The following KIAA0825 variants were observed in gnomAD, a reference collection of about 807,000 sequenced individuals.
KIAA0825 encodes the protein uncharacterized protein KIAA0825.
In KIAA0825, 119 loss-of-function variants were observed where a neutral mutation model predicts 147.6. The ratio of observed to expected loss-of-function variants is 0.81; its 90% confidence interval spans 0.69 to 0.94. The LOEUF (loss-of-function observed/expected upper bound fraction) is 0.94, where lower values mean the gene tolerates loss of function less well. Among genes scored for constraint, KIAA0825 ranks in the 40% least tolerant of loss-of-function variants. The pLI, the probability that KIAA0825 is intolerant of heterozygous loss-of-function variation, is 0.00. For missense variants in KIAA0825, 1,381 were observed against 1,472.7 expected (o/e 0.94, Z 1.02); for synonymous variants, 470 against 518.1 (o/e 0.91, Z 1.26).
intron 13 of KIAA0825, among the ~76,000 whole-genome samples, chr5:94,441,370 T>G (rs1757059560): frequency 6.6e-6 from 1 of 152,174 alleles, no homozygotes; most frequent in Non-Finnish European, 1.5e-5. Flanking sequence ...AGGCAGTGCT[T>G]TCTGAAGCAC....
At chr5:94,418,607 G>A (rs1462744919) in intron 14 of KIAA0825, among the ~76,000 whole-genome samples, 1 of 151,860 alleles carries the variant, frequency 6.6e-6, no homozygotes, top group Non-Finnish European at 1.5e-5. Flanking sequence ...GGAATGGGCA[G>A]GTATCCAATG....
At chr5:94,426,081 G>A (rs964087687) in intron 14 of KIAA0825, among the ~76,000 whole-genome samples, 3 of 150,384 alleles carry the variant, frequency 2.0e-5, no homozygotes, top group African/African-American at 7.3e-5. Context: ...ATGTTGCCCA[G>A]GATAGTCTTG....
chr5:94,565,724 G>C (rs117080910), intron 2 of KIAA0825, among the ~76,000 whole-genome samples: 2,657 of 152,198 alleles, frequency 0.017, 160 homozygotes, highest in Admixed American at 0.1. Flanking sequence ...GGGAAATAGT[G>C]TGTTCATTTC....
chr5:94,382,337 G>A (rs1748527521), intron 20 of KIAA0825, among the ~76,000 whole-genome samples: 1 of 152,128 alleles, frequency 6.6e-6, no homozygotes, highest in East Asian at 1.9e-4. Context: ...AAAAAAATCG[G>A]CATTTTCAGA....
At chr5:94,326,597 T>C (rs1244878056) in intron 20 of KIAA0825, among the ~76,000 whole-genome samples, 1 of 152,178 alleles carries the variant, frequency 6.6e-6, no homozygotes, top group African/African-American at 2.4e-5. Context: ...TGGCCCATTC[T>C]TGAATGTAAA....
intron 20 of KIAA0825, among the ~76,000 whole-genome samples, chr5:94,328,219 C>A (rs576551549): frequency 2.3e-4 from 35 of 152,100 alleles, no homozygotes; most frequent in African/African-American, 8.2e-4. Flanking sequence ...ATAATTGAAT[C>A]AATTTATTAT....
intron 3 of KIAA0825, among the ~76,000 whole-genome samples, chr5:94,533,903 G>C (rs1050779267): frequency 9.2e-5 from 14 of 152,208 alleles, no homozygotes; most frequent in African/African-American, 2.9e-4. Context: ...TGAAGGTTCA[G>C]TGACCTTTGG....
intron 20 of KIAA0825, among the ~76,000 whole-genome samples, chr5:94,269,725 A>G (rs1776898049): frequency 1.3e-5 from 2 of 152,126 alleles, no homozygotes; most frequent in South Asian, 2.1e-4. Flanking sequence ...AAAACTTCAA[A>G]TAAATAACCT....
At chr5:94,246,473 G>A (rs149369020) in intron 20 of KIAA0825, among the ~76,000 whole-genome samples, 58 of 152,236 alleles carry the variant, frequency 3.8e-4, no homozygotes, top group African/African-American at 1.3e-3. Context: ...TGCCTTGGGA[G>A]AGTGGGTGGG....
intron 20 of KIAA0825, among the ~76,000 whole-genome samples, chr5:94,160,444 T>C (rs1312015127): frequency 6.7e-6 from 1 of 149,616 alleles, no homozygotes; most frequent in African/African-American, 2.4e-5. Context: ...TATATGTATA[T>C]AGTACATTTC....
intron 20 of KIAA0825, among the ~76,000 whole-genome samples, chr5:94,341,526 G>GC (rs1782381493): frequency 6.6e-6 from 1 of 152,208 alleles, no homozygotes; most frequent in Non-Finnish European, 1.5e-5. Context: ...GTTCGAGGTA[G>GC]GATGGAGGGC....
At chr5:94,197,642 T>C (rs912877992) in intron 20 of KIAA0825, among the ~76,000 whole-genome samples, 1 of 152,184 alleles carries the variant, frequency 6.6e-6, no homozygotes, top group Non-Finnish European at 1.5e-5. Context: ...ATGAGTTGAT[T>C]TTTTTGTGCA....
chr5:94,513,324 C>G (rs1019488989), intron 5 of KIAA0825, among the ~76,000 whole-genome samples: 1 of 152,092 alleles, frequency 6.6e-6, no homozygotes, highest in African/African-American at 2.4e-5. Context: ...AAATCTTAAA[C>G]TGACCTATGA....
chr5:94,442,826 CT>C (rs1211441943), intron 13 of KIAA0825, among the ~76,000 whole-genome samples: 1 of 152,140 alleles, frequency 6.6e-6, no homozygotes, highest in Non-Finnish European at 1.5e-5. Flanking sequence ...GAAAGGGAAT[CT>C]TTGAGAGATA....
chr5:94,384,842 C>A (rs948738341), intron 19 of KIAA0825, among the ~76,000 whole-genome samples: 5 of 151,900 alleles, frequency 3.3e-5, no homozygotes, highest in African/African-American at 1.2e-4. Flanking sequence ...TTTCAGCAAC[C>A]AAAAGTTTGA....
intron 20 of KIAA0825, among the ~76,000 whole-genome samples, chr5:94,205,297 A>ATG (rs1438119801): frequency 7.0e-6 from 1 of 142,314 alleles, no homozygotes; most frequent in Non-Finnish European, 1.5e-5. Context: ...ATATATATAT[A>ATG]TATTTTGTTT....
chr5:94,367,830 T>G (rs1746089693), intron 20 of KIAA0825, among the ~76,000 whole-genome samples: 1 of 152,252 alleles, frequency 6.6e-6, no homozygotes, highest in Non-Finnish European at 1.5e-5. Flanking sequence ...TTCACCCTTA[T>G]TCTATCAGCA....
intron 1 of KIAA0825, among the ~76,000 whole-genome samples, chr5:94,610,435 A>G (rs1411548499): frequency 6.7e-6 from 1 of 149,046 alleles, no homozygotes; most frequent in Non-Finnish European, 1.5e-5. Context: ...TCAAAAAAAA[A>G]AAAAAGAAAA....
At chr5:94,250,525 T>C (rs2150119984) in intron 20 of KIAA0825, among the ~76,000 whole-genome samples, 3 of 152,262 alleles carry the variant, frequency 2.0e-5, no homozygotes, top group Middle Eastern at 6.8e-3. Flanking sequence ...AAACTAGTAC[T>C]TTGACACCCT....
Sources: allele counts gnomAD v4.1 joint callset (sites outside exome capture counted in the v4.1 genomes callset), GRCh38; gene constraint gnomAD v4.1.1; transcripts MANE v1.5; gene names NCBI Gene and HGNC (gene_info 2026-07-23, HGNC 2026-07-21).